MMEL1: variants seen among roughly 807,000 people sequenced by gnomAD.
MMEL1 encodes the protein membrane metallo-endopeptidase-like 1.
In MMEL1, 98 loss-of-function variants were observed where a neutral mutation model predicts 117.1. The ratio of observed to expected loss-of-function variants is 0.84; its 90% CI spans 0.71 to 0.99. The LOEUF (loss-of-function observed/expected upper bound fraction) is 0.99. Ranked by LOEUF, MMEL1 falls within the 50% of genes least tolerant of loss-of-function variation. MMEL1 has a pLI of 0.00. For missense variants in MMEL1, 1,014 were observed against 1,049.1 expected (o/e 0.97, Z 0.46); for synonymous variants, 390 against 415.1 (o/e 0.94, Z 0.74).
intron 13 of MMEL1, 31 bp downstream of exon 13, chr1:2,598,176 C>T (rs945267828): frequency 6.9e-6 from 11 of 1,595,040 alleles, no homozygotes; most frequent in African/African-American, 5.4e-5. Flanking sequence ...AATGAGTGCC[C>T]GGCCAGGCTC....
chr1:2,609,596 G>A, intron 5 of MMEL1, 74 bp downstream of exon 5: 3 of 1,555,598 alleles, frequency 1.9e-6, no homozygotes, highest in South Asian at 1.2e-5. Context: ...GCGAGACACA[G>A]CCAGGACCAA....
At chr1:2,601,315 A>G (rs1644928597) in intron 11 of MMEL1, among the ~76,000 whole-genome samples, 2 of 152,356 alleles carry the variant, frequency 1.3e-5, no homozygotes, top group South Asian at 4.1e-4. Context: ...GCATAGACAC[A>G]CAGGAACACC....
chr1:2,622,759 C>A (rs1224662795), intron 2 of MMEL1, among the ~76,000 whole-genome samples: 1 of 151,928 alleles, frequency 6.6e-6, no homozygotes, highest in Non-Finnish European at 1.5e-5. Context: ...GTGGTGGGCA[C>A]CAGTAATCCC....
rs1638235547 is a variant in MMEL1 at position 2,625,520 on chromosome 1, TG to T, written c.154+3810del. Among the ~76,000 whole-genome samples, 4 of 152,316 alleles carry T rather than the reference TG, an allele frequency of 2.6e-5. No individual in the cohort carries two copies. In the South Asian group the frequency reaches 8.3e-4, roughly 32 times the overall value. On this transcript the variant is annotated intron_variant, in intron 2 of 23. Transcript: ENST00000378412. ...AGATAGGGATGCTGTTTGGAGCCTTTGGCAGGCCCCTGTGGGTGAATCACAG... is the reference window on the plus strand; with the variant it reads ...AGATAGGGATGCTGTTTGGAGCCTTTGCAGGCCCCTGTGGGTGAATCACAG...
intron 2 of MMEL1, among the ~76,000 whole-genome samples, chr1:2,620,255 G>A (rs887556221): frequency 6.6e-6 from 1 of 152,100 alleles, no homozygotes; most frequent in Non-Finnish European, 1.5e-5. Context: ...AGCAGCAAGG[G>A]GAGTCAGAAG....
Position 2,629,500 on chromosome 1 carries a change from C to G in MMEL1, c.-16G>C, listed in dbSNP as rs116184589. On this transcript the variant is annotated 5_prime_UTR_variant, in exon 2 of 24. Transcript: ENST00000378412. ...ACTTCCCCATCAGCAGGGCTCTGGA[C>G]GGGAGAGCACCGCGGAGGAACCTGC... 0.01 allele frequency: 14,789 copies of G among 1,464,034 alleles called. 93 individuals carry two copies. The highest frequency in any genetic ancestry group is 0.012 in the Non-Finnish European group (13,264 of 1,105,088). 90.7% of individuals were successfully genotyped at this position (1,464,034 alleles called of 1,614,324 possible).
chr1:2,604,028 C>G (rs1351150629), intron 10 of MMEL1, 55 bp from the exon 11 acceptor site: 2 of 1,596,214 alleles, frequency 1.3e-6, no homozygotes, highest in South Asian at 1.1e-5. Flanking sequence ...CCCTGGGGCT[C>G]CTGGCCCAGT....
chr1:2,596,456 G>A, intron 14 of MMEL1, 105 bp downstream of exon 14: 1 of 1,471,194 alleles, frequency 6.8e-7, no homozygotes, highest in Non-Finnish European at 9.2e-7. Flanking sequence ...GGTGAGCTGG[G>A]GCAGGTGCCC....
chr1:2,604,277 C>G lies in MMEL1; in HGVS notation c.821G>C (p.Arg274Pro). Reference protein sequence around the residue: ...YFNGGSNRKVREAYLQFMVSV... With the variant: ...YFNGGSNRKVPEAYLQFMVSV... ...CACCATGAACTGCAGGTAGGCTTCCCGCACCTGGGCCAAAGGACGCCGGGC... is the reference window on the plus strand; with the variant it reads ...CACCATGAACTGCAGGTAGGCTTCCGGCACCTGGGCCAAAGGACGCCGGGC... Residue 274 changes from arginine to proline, a missense_variant, in exon 10 of 24, where the codon CGG becomes CCG. Transcript: ENST00000378412. The G allele has an allele frequency of 6.2e-7, 1 of 1,612,634 alleles. No homozygotes were observed. Among genetic ancestry groups the G allele is most frequent in the Non-Finnish European group, 8.5e-7 (1 of 1,179,878 alleles).
intron 11 of MMEL1, among the ~76,000 whole-genome samples, chr1:2,602,267 G>A (rs60520190): frequency 0.41 from 62,545 of 151,444 alleles, 13,900 homozygotes; most frequent in African/African-American, 0.56. Flanking sequence ...CGGTGGTCAC[G>A]TAAGTCTTGA....
At position 2,595,036 on chromosome 1, in the gene MMEL1, G is replaced by C. The variant is rs565936342; in HGVS notation, c.1585-143C>G. On this transcript the variant is annotated intron_variant, in intron 16 of 23. Coordinates refer to ENST00000378412, the MANE Select transcript of MMEL1 (RefSeq NM_033467.4). This position sits in a 1 kb window ranked among gnomAD's most constrained non-coding sequence, Gnocchi z 4.8. ...CAGTCGGCTGTGGGTGCAGGTGAACGGGGCAGCCCTGGCTGTGGGCATTTA... is the reference window on the plus strand; with the variant it reads ...CAGTCGGCTGTGGGTGCAGGTGAACCGGGCAGCCCTGGCTGTGGGCATTTA... 49 of 737,062 alleles carry C rather than the reference G, an allele frequency of 6.6e-5. No individual in the cohort carries two copies. The highest frequency in any genetic ancestry group is 1.1e-4 in the Non-Finnish European group (49 of 438,532). 45.7% of individuals were successfully genotyped at this position (737,062 alleles called of 1,614,324 possible). A position where few individuals can be genotyped will look rare whatever the true frequency, so the allele number is the denominator to read the frequency against.
In MMEL1 at chr1:2,596,090, G is replaced by T; in HGVS notation, c.1419C>A (p.Asp473Glu). The T allele has an allele frequency of 6.2e-7, 1 of 1,613,982 alleles. No individual in the cohort carries two copies. The highest frequency in any genetic ancestry group is 1.3e-5 in the African/African-American group (1 of 75,016). The change falls in exon 15 of 24, where the codon GAC becomes GAA. Residue 473 changes from aspartate to glutamate, a missense_variant. By Grantham distance (45) the Asp-to-Glu change is conservative. Coordinates refer to ENST00000378412, the MANE Select transcript of MMEL1 (RefSeq NM_033467.4). ...DSKSMVRELI[D>E]KVRTVFVETL... ...TCTCCACAAACACTGTCCGCACCTT[G>T]TCAATGAGTTCTCTGACCTGGGAAT... is the stretch of plus-strand genomic sequence containing the variant.
intron 11 of MMEL1, among the ~76,000 whole-genome samples, chr1:2,602,005 G>A (rs979867661): frequency 6.6e-6 from 1 of 152,220 alleles, no homozygotes; most frequent in Middle Eastern, 3.2e-3. Flanking sequence ...CTTCCACCCA[G>A]CAATTCCACT....
chr1:2,593,882 T>C lies in MMEL1; in HGVS notation c.1799A>G (p.Gln600Arg). ...QPPFFSKEQP[Q>R]ALNFGGIGMV... ...CCCAATGCCTCCAAAGTTCAAGGCC[T>C]GTGGCTGCTCCTTGCTGAAGAAGGG... Residue 600 changes from glutamine (Q) to arginine (R), a missense_variant, in exon 19 of 24, where the codon CAG becomes CGG. Transcript: ENST00000378412. 2 of 1,612,446 alleles carry C rather than the reference T, an allele frequency of 1.2e-6. No individual in the cohort carries two copies. The highest frequency in any genetic ancestry group is 1.7e-6 in the Non-Finnish European group (2 of 1,179,206).
In MMEL1 at chr1:2,596,704, C is replaced by G. The variant is rs771646217; in HGVS notation, c.1273-15G>C. 6.2e-7 allele frequency: 1 copy of G among 1,610,336 alleles called. No homozygotes were observed. Among genetic ancestry groups the G allele is most frequent in the Non-Finnish European group, 8.5e-7 (1 of 1,179,532 alleles). On this transcript the variant is annotated splice_polypyrimidine_tract_variant and intron_variant, in intron 13 of 23. Coordinates refer to ENST00000378412, the MANE Select transcript of MMEL1 (RefSeq NM_033467.4). ...CCAAACAGCGCCTGGTGGGGCCACC[C>G]GATCATCCCACGGGCCCCCACGTCA...
chr1:2,592,788 G>A, intron 20 of MMEL1, 45 bp downstream of exon 20: 1 of 1,611,766 alleles, frequency 6.2e-7, no homozygotes, highest in South Asian at 1.1e-5. Context: ...GCCAGGGCTG[G>A]GGCTCCGGTA....
At chr1:2,626,128 G>A (rs1638263956) in intron 2 of MMEL1, among the ~76,000 whole-genome samples, 1 of 152,240 alleles carries the variant, frequency 6.6e-6, no homozygotes, top group African/African-American at 2.4e-5. Flanking sequence ...AAGGAGAAGA[G>A]GCCAGATGTG....
chr1:2,610,681 C>A (rs1570688493), intron 4 of MMEL1, among the ~76,000 whole-genome samples: 1 of 152,362 alleles, frequency 6.6e-6, no homozygotes, highest in East Asian at 1.9e-4. Flanking sequence ...AGGGGAGACC[C>A]AGGCTTCCCA....
At chr1:2,591,428 C>T (rs1367840636) in intron 23 of MMEL1, 129 bp downstream of exon 23, 5 of 775,810 alleles carry the variant, frequency 6.4e-6, no homozygotes, top group Admixed American at 4.0e-5. Context: ...AGAAGCCCCT[C>T]TCAGGTTTAT....
Sources: allele counts gnomAD v4.1 joint callset (sites outside exome capture counted in the v4.1 genomes callset), GRCh38; gene constraint gnomAD v4.1.1; non-coding constraint Gnocchi (gnomAD v3.1); transcripts MANE v1.5; gene names NCBI Gene and HGNC (gene_info 2026-07-23, HGNC 2026-07-21).